The following ETNK1 variants were observed in gnomAD, a reference collection of about 807,000 sequenced individuals.
ETNK1 encodes ethanolamine kinase 1.
ETNK1 carries 8 observed loss-of-function variants against 45.1 expected under a neutral mutation model. That is an observed-to-expected ratio of 0.18 (90% CI 0.10 to 0.32). The LOEUF (loss-of-function observed/expected upper bound fraction) is 0.32. Ranked by LOEUF, ETNK1 falls within the 10% of genes least tolerant of loss-of-function variation. The pLI is 1.00. For synonymous variants in ETNK1, 152 were observed against 151.9 expected (o/e 1.00, Z -0.01); for missense variants, 302 against 430.6 (o/e 0.70, Z 2.64).
chr12:22,677,872 CTT>C (rs1213588516), intron 6 of ETNK1, among the ~76,000 whole-genome samples: 1 of 152,034 alleles, frequency 6.6e-6, no homozygotes. Context: ...TTTCCTGAGA[CTT>C]TGCTGAAGTT....
intron 1 of ETNK1, among the ~76,000 whole-genome samples, chr12:22,635,626 G>GT (rs1953646301): frequency 6.6e-6 from 1 of 152,090 alleles, no homozygotes. Flanking sequence ...CATTGTGGTG[G>GT]TTTTTTCTTT....
At chr12:22,665,932 G>A (rs1954049251) in intron 4 of ETNK1, among the ~76,000 whole-genome samples, 1 of 151,942 alleles carries the variant, frequency 6.6e-6, no homozygotes, top group South Asian at 2.1e-4. Flanking sequence ...TAACTTGAGA[G>A]ATTAATTTAG....
At chr12:22,682,359 G>T (rs1284983312) in intron 6 of ETNK1, 1 of 423,392 alleles carries the variant, frequency 2.4e-6, no homozygotes, top group East Asian at 6.9e-5. Flanking sequence ...CTTTTTTATA[G>T]TTGAGAAAAT....
In ETNK1 at chr12:22,690,077, A is replaced by T. The variant is rs566868493; in HGVS notation, c.*5123A>T. 6.6e-6 allele frequency: 1 copy of T among 152,492 alleles called. No individual in the cohort carries two copies. Among genetic ancestry groups the T allele is most frequent in the East Asian group, 1.9e-4 (1 of 5,200 alleles). 9.4% of individuals were successfully genotyped at this position (152,492 alleles called of 1,614,324 possible). A position where few individuals can be genotyped will look rare whatever the true frequency, so the allele number is the denominator to read the frequency against. On this transcript the variant is annotated 3_prime_UTR_variant, in exon 8 of 8. Transcript: ENST00000266517. ...AAAAGAATGAAATTGGGTAACTGTCATTGCGTTAGCTTTATGTTGAATTGG... is the reference window on the plus strand; with the variant it reads ...AAAAGAATGAAATTGGGTAACTGTCTTTGCGTTAGCTTTATGTTGAATTGG...
chr12:22,671,249 C>G (rs761841415), intron 4 of ETNK1, 23 bp from the exon 5 acceptor site: 1 of 1,482,088 alleles, frequency 6.7e-7, no homozygotes, highest in Admixed American at 1.7e-5. Context: ...TTCTTAATGT[C>G]TTTGTTTTTG....
In ETNK1 at chr12:22,677,029, T is replaced by A. The variant is rs184309936; in HGVS notation, c.945+3369T>A. Among the ~76,000 whole-genome samples, 324 of 152,266 alleles carry A rather than the reference T, an allele frequency of 2.1e-3. 4 individuals are homozygous for A. Among genetic ancestry groups the A allele is most frequent in the Non-Finnish European group, 1.2e-3 (84 of 67,994 alleles). On this transcript the variant is annotated intron_variant, in intron 6 of 7. Coordinates refer to ENST00000266517, the MANE Select transcript of ETNK1 (RefSeq NM_018638.5). ...TTAGTTTAATTAGATCCCATTTGTA[T>A]ACTTTGGCTTTGGTTGCCATTGCTT...
At chr12:22,663,109 T>G in intron 4 of ETNK1, among the ~76,000 whole-genome samples, 1 of 152,246 alleles carries the variant, frequency 6.6e-6, no homozygotes, top group Non-Finnish European at 1.5e-5. Flanking sequence ...AAACATTAAG[T>G]ACTTGACAGT....
chr12:22,652,029 GC>G (rs1953884310), intron 2 of ETNK1, among the ~76,000 whole-genome samples: 1 of 151,928 alleles, frequency 6.6e-6, no homozygotes, highest in Admixed American at 6.6e-5. Context: ...CCTTCCTCCA[GC>G]CCCTGGCAAC....
chr12:22,657,985 A>C (rs2137553374), intron 2 of ETNK1, among the ~76,000 whole-genome samples: 1 of 152,286 alleles, frequency 6.6e-6, no homozygotes, highest in Middle Eastern at 3.4e-3. Context: ...GTGGCTTTCA[A>C]ATGTTTTTGC....
At chr12:22,676,710 G>T (rs989640484) in intron 6 of ETNK1, among the ~76,000 whole-genome samples, 3 of 151,814 alleles carry the variant, frequency 2.0e-5, no homozygotes, top group African/African-American at 4.8e-5. Flanking sequence ...TCTAACTGGC[G>T]TGAAATGGTA....
intron 5 of ETNK1, among the ~76,000 whole-genome samples, chr12:22,671,755 C>T (rs1954109286): frequency 6.8e-6 from 1 of 148,020 alleles, no homozygotes; most frequent in Admixed American, 6.8e-5. Flanking sequence ...AGGAGAATGG[C>T]GTGAACCCGG....
chr12:22,634,641 A>G (rs1041145043), intron 1 of ETNK1, among the ~76,000 whole-genome samples: 7 of 152,114 alleles, frequency 4.6e-5, no homozygotes, highest in Admixed American at 2.6e-4. Context: ...GTTGCCCAGG[A>G]TTGAGTGCAG....
chr12:22,643,221 G>T (rs1379994496), intron 1 of ETNK1, among the ~76,000 whole-genome samples: 2 of 151,976 alleles, frequency 1.3e-5, no homozygotes, highest in Admixed American at 6.6e-5. Flanking sequence ...TTGGAGATTT[G>T]CCATAATGTA....
At chr12:22,676,400 A>T (rs555957080) in intron 6 of ETNK1, among the ~76,000 whole-genome samples, 1 of 152,022 alleles carries the variant, frequency 6.6e-6, no homozygotes, top group African/African-American at 2.4e-5. Context: ...TCTTTATCCA[A>T]TCTATCATTG....
At position 22,687,911 on chromosome 12, in the gene ETNK1, A is replaced by C. The variant is rs2137583328; in HGVS notation, c.*2957A>C. On this transcript the variant is annotated 3_prime_UTR_variant, in exon 8 of 8. Transcript: ENST00000266517. ...CAGTGAGATCACAGGAACTGGAAAT[A>C]GGGTTTGTCGGCTTTGGTTAATGTC... 1 of 152,354 alleles carries C rather than the reference A, an allele frequency of 6.6e-6. No homozygotes were observed. Among genetic ancestry groups the C allele is most frequent in the East Asian group, 1.9e-4 (1 of 5,168 alleles). The allele number at this position is 152,354 out of a possible 1,614,324, so 9.4% of individuals were successfully genotyped here.
Position 22,661,134 on chromosome 12 carries a change from A to G in ETNK1, c.629A>G (p.Asn210Ser), listed in dbSNP as rs1450414053. 3.1e-6 allele frequency: 5 copies of G among 1,612,568 alleles called. No individual in the cohort carries two copies. Among genetic ancestry groups the G allele is most frequent in the Non-Finnish European group, 4.2e-6 (5 of 1,179,516 alleles). The change falls in exon 4 of 8, where the codon AAC (asparagine) becomes AGC (serine). Residue 210 changes from asparagine (N) to serine (S), a missense_variant. Around this residue, in one of 3 missense-constraint regions of ETNK1, gnomAD observed 205 missense variants for 259.9 expected, o/e 0.79. Transcript: ENST00000266517. ...ACTTGGATGAAGGAGATTCTTTCCAACCTGGGCTCACCTGTTGTGCTTTGC... is the reference window on the plus strand; with the variant it reads ...ACTTGGATGAAGGAGATTCTTTCCAGCCTGGGCTCACCTGTTGTGCTTTGC... ...EMTWMKEILS[N>S]LGSPVVLCHN...
intron 4 of ETNK1, among the ~76,000 whole-genome samples, chr12:22,667,578 A>G (rs1954066400): frequency 6.6e-6 from 1 of 152,178 alleles, no homozygotes; most frequent in Non-Finnish European, 1.5e-5. Flanking sequence ...TTCAGACTAG[A>G]ATACTCCCTG....
In ETNK1 at chr12:22,639,584, G is replaced by A. The variant is rs1468057246; in HGVS notation, c.157-4179G>A. Among the ~76,000 whole-genome samples, 3 of 152,016 alleles carry A rather than the reference G, an allele frequency of 2.0e-5. No homozygotes were observed. In the East Asian group the frequency reaches 5.8e-4, roughly 29 times the overall value. ...CCCAGCTACTTGGGAGGCTGAGGCA[G>A]GAGAGTCACTTGAACCTGGGGGGCG... On this transcript the variant is annotated intron_variant, in intron 1 of 7. Coordinates refer to ENST00000266517, the MANE Select transcript of ETNK1 (RefSeq NM_018638.5).
chr12:22,625,292 T>TCGCC lies in ETNK1; in HGVS notation c.-132_-129dup, dbSNP rs1455571476. ...CCGCCTCCAGACGTTCTCCTGCCGCTCGCCCGCCCGTCCCAGCGCCCCCAG... is the reference window on the plus strand; with the variant it reads ...CCGCCTCCAGACGTTCTCCTGCCGCTCGCCCGCCCGCCCGTCCCAGCGCCCCCAG... On this transcript the variant is annotated 5_prime_UTR_variant, in exon 1 of 8. Coordinates refer to ENST00000266517, the MANE Select transcript of ETNK1 (RefSeq NM_018638.5). 1 of 1,607,468 alleles carries TCGCC rather than the reference T, an allele frequency of 6.2e-7. No homozygotes were observed. The highest frequency in any genetic ancestry group is 1.3e-5 in the African/African-American group (1 of 74,818).
Sources: gnomAD v4.1 joint callset for allele counts (sites outside exome capture counted in the v4.1 genomes callset) on GRCh38, gnomAD v4.1.1 for gene constraint, gnomAD v4.1.1 regional missense constraint, MANE v1.5 for transcripts, NCBI Gene and HGNC (gene_info 2026-07-23, HGNC 2026-07-21) for gene names.